Variants in ZBTB20 observed in about 807,000 individuals in gnomAD.
ZBTB20 encodes zinc finger and BTB domain containing 20.
In ZBTB20, 9 loss-of-function variants were observed where a neutral mutation model predicts 56.9. The observed-to-expected ratio is 0.16, with a 90% CI of 0.10 to 0.28. The LOEUF is 0.28. ZBTB20 is among the 10% of genes least tolerant of loss of function. The pLI, the probability that ZBTB20 is intolerant of heterozygous loss-of-function variation, is 1.00. For missense variants in ZBTB20, 655 were observed against 1,003.0 expected, an observed-to-expected ratio of 0.65 and a Z score of 4.69; for synonymous variants, 417 against 420.7, an observed-to-expected ratio of 0.99 and a Z score of 0.11.
At chr3:114,661,393 T>G (rs1223125190) in intron 6 of ZBTB20, among the ~76,000 whole-genome samples, 1 of 152,166 alleles carries the variant, frequency 6.6e-6, no homozygotes, top group Non-Finnish European at 1.5e-5. Flanking sequence ...CTTCCCATAT[T>G]TAGTAATAGC....
chr3:114,681,822 T>C (rs1231906839), intron 6 of ZBTB20, among the ~76,000 whole-genome samples: 1 of 152,186 alleles, frequency 6.6e-6, no homozygotes, highest in African/African-American at 2.4e-5. Flanking sequence ...GTCATAAAGC[T>C]AGTTAGCCGC....
At chr3:114,782,647 T>A (rs560959265) in intron 5 of ZBTB20, among the ~76,000 whole-genome samples, 45 of 152,136 alleles carry the variant, frequency 3.0e-4, no homozygotes, top group African/African-American at 1.1e-3. Context: ...AGCCTGAAAA[T>A]AAATTCAATA....
At chr3:114,389,371 G>C (rs1484705872) in intron 7 of ZBTB20, among the ~76,000 whole-genome samples, 1 of 152,136 alleles carries the variant, frequency 6.6e-6, no homozygotes, top group Non-Finnish European at 1.5e-5. Context: ...CTGATTTTGT[G>C]GTTCTGACTT....
At chr3:114,349,557 C>T (rs1166224561) in intron 11 of ZBTB20, among the ~76,000 whole-genome samples, 1 of 152,204 alleles carries the variant, frequency 6.6e-6, no homozygotes, top group Non-Finnish European at 1.5e-5. Flanking sequence ...TAAAGGCAGT[C>T]TATCTGATAT....
At chr3:114,753,057 C>G (rs533750290) in intron 5 of ZBTB20, among the ~76,000 whole-genome samples, 4 of 151,926 alleles carry the variant, frequency 2.6e-5, no homozygotes, top group Non-Finnish European at 4.4e-5. Flanking sequence ...AAGTTTCCCA[C>G]AAGAAGTGTC....
At chr3:114,700,856 T>C (rs2063348449) in intron 5 of ZBTB20, among the ~76,000 whole-genome samples, 1 of 152,190 alleles carries the variant, frequency 6.6e-6, no homozygotes, top group South Asian at 2.1e-4. Context: ...ATAAACCTTA[T>C]GCTTATGGGG....
chr3:115,038,978 A>G (rs1197297631), intron 2 of ZBTB20, among the ~76,000 whole-genome samples: 1 of 151,992 alleles, frequency 6.6e-6, no homozygotes, highest in Non-Finnish European at 1.5e-5. Context: ...CTTCTCTGAC[A>G]TCATAACTAG....
chr3:114,926,841 G>C (rs1249563418), intron 3 of ZBTB20, among the ~76,000 whole-genome samples: 1 of 152,148 alleles, frequency 6.6e-6, no homozygotes, highest in Non-Finnish European at 1.5e-5. Context: ...ATAGCTCACT[G>C]AAATTTCAAA....
At chr3:114,501,733 A>G (rs2044010347) in intron 6 of ZBTB20, among the ~76,000 whole-genome samples, 1 of 125,322 alleles carries the variant, frequency 8.0e-6, no homozygotes, top group South Asian at 2.8e-4. Context: ...TTTTGAGATG[A>G]ACTCTCCCTC....
chr3:114,453,914 A>G (rs1364706870), intron 7 of ZBTB20, among the ~76,000 whole-genome samples: 1 of 142,038 alleles, frequency 7.0e-6, no homozygotes, highest in African/African-American at 2.6e-5. Flanking sequence ...TCAGACATTA[A>G]GCTCACTCCC....
At chr3:114,551,220 T>C (rs2050537994) in intron 6 of ZBTB20, among the ~76,000 whole-genome samples, 1 of 152,312 alleles carries the variant, frequency 6.6e-6, no homozygotes, top group Non-Finnish European at 1.5e-5. Context: ...ATTCTGTAAA[T>C]AGTATGGAAA....
At chr3:115,038,619 GC>G (rs1553883708) in intron 2 of ZBTB20, among the ~76,000 whole-genome samples, 1 of 151,950 alleles carries the variant, frequency 6.6e-6, no homozygotes, top group Non-Finnish European at 1.5e-5. Context: ...TTATAAAACT[GC>G]AGCTAAATTT....
chr3:115,096,382 G>A (rs2083379873), intron 1 of ZBTB20, among the ~76,000 whole-genome samples: 1 of 152,152 alleles, frequency 6.6e-6, no homozygotes, highest in Non-Finnish European at 1.5e-5. Context: ...GGTTAAGAAA[G>A]TGAGGGATAA....
chr3:114,333,256 A>G lies in ZBTB20; in HGVS notation c.*5749T>C, dbSNP rs1328587584. 2 of 152,178 alleles carry G rather than the reference A, an allele frequency of 1.3e-5. No individual in the cohort carries two copies. Among genetic ancestry groups the G allele is most frequent in the African/African-American group, 4.8e-5 (2 of 41,448 alleles). The allele number at this position is 152,178 out of a possible 1,614,324, so 9.4% of individuals were successfully genotyped here. ...AGGTTTAAGTGATATCAGAAATAGC[A>G]ACTCTACACGGAAAGCCCTTGGGAA... is the stretch of plus-strand genomic sequence containing the variant. On this transcript the variant is annotated 3_prime_UTR_variant, in exon 12 of 12. Transcript: ENST00000675478.
intron 4 of ZBTB20, among the ~76,000 whole-genome samples, chr3:114,880,538 A>T (rs921333878): frequency 1.3e-5 from 2 of 152,196 alleles, no homozygotes; most frequent in Non-Finnish European, 2.9e-5. Flanking sequence ...AACCCTTAAA[A>T]TACATATATC....
Position 114,685,611 on chromosome 3 carries a change from C to T in ZBTB20, c.-295+7917G>A, listed in dbSNP as rs150418615. Among the ~76,000 whole-genome samples the T allele has an allele frequency of 6.0e-3, 921 of 152,296 alleles. 6 individuals carry two copies. The highest frequency in any genetic ancestry group is 0.01 in the Non-Finnish European group (713 of 68,016). ...TTCCCAGTAAAGGGGTATGTAGGAA[C>T]GCTGTCTTGCATTCATTCAGTCCAT... is the stretch of plus-strand genomic sequence containing the variant. On this transcript the variant is annotated intron_variant, in intron 6 of 11. Transcript: ENST00000675478.
chr3:114,675,880 T>A (rs1271596014), intron 6 of ZBTB20, among the ~76,000 whole-genome samples: 1 of 152,142 alleles, frequency 6.6e-6, no homozygotes, highest in East Asian at 1.9e-4. Context: ...ATAACAATAA[T>A]ATTAATATCA....
intron 1 of ZBTB20, among the ~76,000 whole-genome samples, chr3:115,091,416 A>T (rs1012553008): frequency 3.9e-5 from 6 of 152,072 alleles, no homozygotes; most frequent in Admixed American, 2.0e-4. Flanking sequence ...ACCTAAAAAA[A>T]CTTAAGTATG....
At chr3:115,120,329 A>G (rs935691062) in intron 1 of ZBTB20, among the ~76,000 whole-genome samples, 3 of 152,100 alleles carry the variant, frequency 2.0e-5, no homozygotes, top group Non-Finnish European at 1.5e-5. Context: ...CTGTGAACCT[A>G]CAATTGCTCT....
Sources: allele counts gnomAD v4.1 joint callset (sites outside exome capture counted in the v4.1 genomes callset), GRCh38; gene constraint gnomAD v4.1.1; transcripts MANE v1.5; gene names NCBI Gene and HGNC (gene_info 2026-07-23, HGNC 2026-07-21).